The following TRDN variants were observed in gnomAD, a reference collection of about 807,000 sequenced individuals.
TRDN encodes triadin.
A neutral mutation model predicts 149.7 loss-of-function variants in TRDN; 161 were observed. The ratio of observed to expected loss-of-function variants is 1.08; its 90% CI spans 0.95 to 1.23. TRDN has a LOEUF of 1.23. Ranked by LOEUF, TRDN falls within the 50% of genes most tolerant of loss-of-function variation. The pLI is 0.00. For synonymous variants in TRDN, 294 were observed against 250.5 expected, an observed-to-expected ratio of 1.17 and a Z score of -1.64; for missense variants, 896 against 823.5, an observed-to-expected ratio of 1.09 and a Z score of -1.08.
chr6:123,627,213 G>A (rs1456686614), intron 1 of TRDN, among the ~76,000 whole-genome samples: 1 of 152,028 alleles, frequency 6.6e-6, no homozygotes, highest in African/African-American at 2.4e-5. Flanking sequence ...ATAGGCATGA[G>A]CCACCGAGCC....
chr6:123,273,967 G>A (rs1444436968), intron 27 of TRDN, among the ~76,000 whole-genome samples: 2 of 151,992 alleles, frequency 1.3e-5, no homozygotes, highest in South Asian at 2.1e-4. Context: ...TAAAATGATA[G>A]CATTTTAGGG....
intron 2 of TRDN, among the ~76,000 whole-genome samples, chr6:123,558,987 G>C (rs1490693321): frequency 6.6e-6 from 1 of 152,236 alleles, no homozygotes; most frequent in East Asian, 1.9e-4. Context: ...TGTGCCATCT[G>C]TGCAGGACCC....
intron 12 of TRDN, among the ~76,000 whole-genome samples, chr6:123,403,968 T>C (rs1388791791): frequency 6.6e-6 from 1 of 152,192 alleles, no homozygotes; most frequent in Non-Finnish European, 1.5e-5. Context: ...TTTTATAATG[T>C]ATATAATTGG....
At chr6:123,324,976 G>C (rs545377073) in intron 23 of TRDN, among the ~76,000 whole-genome samples, 1 of 152,060 alleles carries the variant, frequency 6.6e-6, no homozygotes. Context: ...AGTAATCATG[G>C]ATTTTAAAGG....
At chr6:123,578,336 C>T (rs373889060) in intron 1 of TRDN, among the ~76,000 whole-genome samples, 2 of 152,138 alleles carry the variant, frequency 1.3e-5, no homozygotes, top group Non-Finnish European at 2.9e-5. Flanking sequence ...TGTCCAGTTT[C>T]AATCTTCTGC....
chr6:123,612,015 A>G (rs1169237298), intron 1 of TRDN, among the ~76,000 whole-genome samples: 1 of 152,026 alleles, frequency 6.6e-6, no homozygotes, highest in African/African-American at 2.4e-5. Flanking sequence ...GTCAAAAGCT[A>G]AGAACGATGT....
At chr6:123,286,157 T>C (rs1265051748) in intron 24 of TRDN, among the ~76,000 whole-genome samples, 3 of 152,108 alleles carry the variant, frequency 2.0e-5, no homozygotes, top group Non-Finnish European at 2.9e-5. Context: ...ATTTGATCCT[T>C]CAATTCCACC....
At chr6:123,437,381 A>ATT (rs565538741) in intron 12 of TRDN, 4,049 of 186,156 alleles carry the variant, frequency 0.022, 189 homozygotes, top group African/African-American at 0.035. Flanking sequence ...TGAGATACAG[A>ATT]TTTTTTTTTT....
chr6:123,585,693 G>A (rs1439719126), intron 1 of TRDN, among the ~76,000 whole-genome samples: 8 of 152,168 alleles, frequency 5.3e-5, no homozygotes, highest in African/African-American at 1.9e-4. Flanking sequence ...ACGTGGCTTA[G>A]GAGGAATCCT....
chr6:123,545,236 T>C (rs1390826116), intron 4 of TRDN, among the ~76,000 whole-genome samples: 2 of 151,906 alleles, frequency 1.3e-5, no homozygotes, highest in Admixed American at 1.3e-4. Flanking sequence ...GCCCCCAAAT[T>C]CCTTCTTAAA....
chr6:123,495,528 TA>T (rs59876547), intron 9 of TRDN, among the ~76,000 whole-genome samples: 126,301 of 151,384 alleles, frequency 0.83, 52,909 homozygotes, highest in East Asian at 0.97. Context: ...TCAAAAAAAA[TA>T]AAAAAAATAA....
At chr6:123,543,268 T>A (rs1044475679) in intron 4 of TRDN, among the ~76,000 whole-genome samples, 8 of 152,158 alleles carry the variant, frequency 5.3e-5, no homozygotes, top group African/African-American at 1.9e-4. Context: ...TCCATTACTG[T>A]CATTTACTAT....
chr6:123,552,884 G>T (rs1298341445), intron 2 of TRDN, among the ~76,000 whole-genome samples: 1 of 152,020 alleles, frequency 6.6e-6, no homozygotes, highest in African/African-American at 2.4e-5. Context: ...TCCAAATCAA[G>T]ACCTCAACTT....
intron 12 of TRDN, among the ~76,000 whole-genome samples, chr6:123,433,358 C>T (rs1774421160): frequency 6.6e-6 from 1 of 151,846 alleles, no homozygotes; most frequent in Admixed American, 6.6e-5. Flanking sequence ...ACTGCCCTTA[C>T]TCAGAGTTGA....
At chr6:123,419,147 G>A (rs529594737) in intron 12 of TRDN, among the ~76,000 whole-genome samples, 3 of 152,030 alleles carry the variant, frequency 2.0e-5, no homozygotes, top group South Asian at 2.1e-4. Context: ...GCCATGTCTC[G>A]GGTAGCTGAG....
At chr6:123,450,812 T>G (rs1233651483) in intron 10 of TRDN, among the ~76,000 whole-genome samples, 1 of 151,988 alleles carries the variant, frequency 6.6e-6, no homozygotes, top group Non-Finnish European at 1.5e-5. Context: ...TATTCAATAG[T>G]GCACGGAACT....
intron 21 of TRDN, among the ~76,000 whole-genome samples, chr6:123,347,806 G>C (rs1331649576): frequency 6.6e-6 from 1 of 152,016 alleles, no homozygotes; most frequent in Non-Finnish European, 1.5e-5. Context: ...ATTTAAAAAA[G>C]GCAGTGCAAG....
chr6:123,487,446 C>T (rs1400374412), intron 9 of TRDN, among the ~76,000 whole-genome samples: 1 of 151,964 alleles, frequency 6.6e-6, no homozygotes, highest in Admixed American at 6.6e-5. Context: ...TTTACCCTTC[C>T]TTCCTTCAAT....
At chr6:123,588,478 C>T (rs989208315) in intron 1 of TRDN, among the ~76,000 whole-genome samples, 1 of 152,098 alleles carries the variant, frequency 6.6e-6, no homozygotes, top group African/African-American at 2.4e-5. Context: ...CTTTGGAGTT[C>T]CCTGGGCAGA....
Sources: gnomAD v4.1 joint callset for allele counts (sites outside exome capture counted in the v4.1 genomes callset) on GRCh38, gnomAD v4.1.1 for gene constraint, MANE v1.5 for transcripts, NCBI Gene and HGNC (gene_info 2026-07-23, HGNC 2026-07-21) for gene names.